The following PDE7B variants were observed in gnomAD, a reference collection of about 807,000 sequenced individuals.
PDE7B encodes 3',5'-cyclic-AMP phosphodiesterase 7B.
In PDE7B, 29 loss-of-function variants were observed where a neutral mutation model predicts 56.2. The observed-to-expected ratio is 0.52, with a 90% confidence interval of 0.38 to 0.70. PDE7B has a LOEUF of 0.70. PDE7B is among the 30% of genes least tolerant of loss of function. The pLI is 0.00. For synonymous variants in PDE7B, 197 were observed against 196.9 expected, an observed-to-expected ratio of 1.00 and a Z score of 0.00; for missense variants, 490 against 565.0, an observed-to-expected ratio of 0.87 and a Z score of 1.35.
intron 1 of PDE7B, among the ~76,000 whole-genome samples, chr6:135,860,621 T>C (rs1429853792): frequency 2.0e-5 from 3 of 151,988 alleles, no homozygotes; most frequent in Non-Finnish European, 2.9e-5. Flanking sequence ...GCTTATTTGT[T>C]AGATTAAGGT....
intron 2 of PDE7B, among the ~76,000 whole-genome samples, chr6:136,086,161 G>C (rs1294419108): frequency 6.6e-6 from 1 of 152,154 alleles, no homozygotes; most frequent in East Asian, 1.9e-4. Flanking sequence ...TCTGTTTTCT[G>C]TAGTTGGATT....
intron 1 of PDE7B, among the ~76,000 whole-genome samples, chr6:135,924,017 T>C (rs1774138191): frequency 6.6e-6 from 1 of 152,216 alleles, no homozygotes; most frequent in Non-Finnish European, 1.5e-5. Flanking sequence ...CATTCTTGCT[T>C]ATCAAGTTGA....
chr6:136,179,195 G>T (rs926675793), intron 10 of PDE7B, 54 bp downstream of exon 10: 21 of 1,556,446 alleles, frequency 1.3e-5, no homozygotes, highest in Non-Finnish European at 1.7e-5. Context: ...ACTCAGCTGG[G>T]CTGGGTGTGG....
chr6:135,990,969 T>C (rs1325438403), intron 2 of PDE7B, among the ~76,000 whole-genome samples: 1 of 152,164 alleles, frequency 6.6e-6, no homozygotes, highest in Non-Finnish European at 1.5e-5. Context: ...TATTCATGAG[T>C]TTTCTGGGAA....
chr6:136,015,608 G>A (rs1000628422), intron 2 of PDE7B, among the ~76,000 whole-genome samples: 4 of 152,098 alleles, frequency 2.6e-5, no homozygotes, highest in African/African-American at 9.7e-5. Flanking sequence ...GCAAGAGAAC[G>A]AGGGGGAAAT....
At chr6:136,014,609 T>C (rs571629442) in intron 2 of PDE7B, among the ~76,000 whole-genome samples, 3 of 152,284 alleles carry the variant, frequency 2.0e-5, no homozygotes, top group South Asian at 2.1e-4. Flanking sequence ...CTCTATGACA[T>C]GACATAGGTG....
intron 1 of PDE7B, among the ~76,000 whole-genome samples, chr6:135,898,320 CAT>C (rs1775938137): frequency 2.0e-5 from 3 of 152,114 alleles, no homozygotes; most frequent in Admixed American, 2.0e-4. Context: ...GTAATAAATA[CAT>C]GTTTGGTCAC....
At position 136,120,931 on chromosome 6, in the gene PDE7B, C is replaced by T. The variant is rs1039125647; in HGVS notation, c.166+12117C>T. Among the ~76,000 whole-genome samples the T allele has an allele frequency of 2.6e-5, 4 of 152,160 alleles. No homozygotes were observed. The East Asian group carries it at 7.7e-4, about 29-fold the overall frequency. On this transcript the variant is annotated intron_variant, in intron 3 of 12. Transcript: ENST00000308191. ...CAAGCCTACCACTATTCCCACCCTC[C>T]CCTACATGTCCACATCTCCCTTAGC...
rs564920980 is a variant in PDE7B, at chr6:135,912,740, A to T, written c.22-34724A>T. ...GACAGTTGGGCTATTAGTAACAATA[A>T]TTAATATCTGAAAATAGCTTTTAAT... On this transcript the variant is annotated intron_variant, in intron 1 of 12. Coordinates refer to ENST00000308191, the MANE Select transcript of PDE7B (RefSeq NM_018945.4). 2.6e-5 allele frequency among the ~76,000 whole-genome samples: 4 copies of T among 152,360 alleles called. No individual in the cohort carries two copies. In the South Asian group the frequency reaches 6.2e-4, roughly 24 times the overall value.
chr6:136,143,456 A>G (rs1042469631), intron 3 of PDE7B, among the ~76,000 whole-genome samples: 9 of 152,060 alleles, frequency 5.9e-5, no homozygotes, highest in Non-Finnish European at 1.3e-4. Context: ...TAACTTGGTG[A>G]TCACAGTGTA....
intron 2 of PDE7B, among the ~76,000 whole-genome samples, chr6:136,033,323 C>T (rs1211571874): frequency 1.3e-5 from 2 of 152,144 alleles, no homozygotes; most frequent in African/African-American, 4.8e-5. Context: ...TAACAGCTAA[C>T]AGGATAGAGT....
intron 10 of PDE7B, 73 bp downstream of exon 10, chr6:136,179,214 A>G (rs1380469989): frequency 3.6e-6 from 5 of 1,383,414 alleles, no homozygotes; most frequent in Non-Finnish European, 5.1e-6. Flanking sequence ...GGTGGCTCAC[A>G]TCTGTAGTCC....
At chr6:135,958,526 A>C (rs925542499) in intron 2 of PDE7B, among the ~76,000 whole-genome samples, 1 of 126,964 alleles carries the variant, frequency 7.9e-6, no homozygotes, top group African/African-American at 3.0e-5. Flanking sequence ...CAACCTGCCA[A>C]TCTCAAACCA....
intron 11 of PDE7B, among the ~76,000 whole-genome samples, chr6:136,186,812 A>G (rs1562517274): frequency 1.3e-5 from 2 of 152,242 alleles, no homozygotes; most frequent in Non-Finnish European, 2.9e-5. Context: ...TACTAGCAAT[A>G]AGCCATTATG....
At position 135,955,716 on chromosome 6, in the gene PDE7B, GGT is replaced by G. The variant is rs546480850; in HGVS notation, c.82+8194_82+8195del. 6.4e-3 allele frequency among the ~76,000 whole-genome samples: 973 copies of G among 152,206 alleles called. 9 individuals carry two copies. Among genetic ancestry groups the G allele is most frequent in the African/African-American group, 0.022 (917 of 41,520 alleles). ...GTTTAGGGAACAGTGGTATCTATCA[GGT>G]GAGAAAGGATGAGTCCTACCTGAAT... is the stretch of plus-strand genomic sequence containing the variant. On this transcript the variant is annotated intron_variant, in intron 2 of 12. Transcript: ENST00000308191.
intron 8 of PDE7B, among the ~76,000 whole-genome samples, chr6:136,167,991 C>T (rs903076328): frequency 2.0e-5 from 3 of 152,086 alleles, no homozygotes; most frequent in Non-Finnish European, 2.9e-5. Flanking sequence ...GCACATTTGC[C>T]TTTGCCTGGA....
intron 2 of PDE7B, among the ~76,000 whole-genome samples, chr6:136,073,048 C>A (rs1303710131): frequency 6.6e-6 from 1 of 152,054 alleles, no homozygotes; most frequent in African/African-American, 2.4e-5. Context: ...CGCTTGGAGA[C>A]CATGTTCTTT....
intron 2 of PDE7B, among the ~76,000 whole-genome samples, chr6:136,105,684 AC>A (rs1416979542): frequency 6.6e-6 from 1 of 152,190 alleles, no homozygotes. Context: ...AGACAACTGG[AC>A]TTCAGAGTGA....
chr6:136,183,629 A>AT (rs2077366737), intron 11 of PDE7B, among the ~76,000 whole-genome samples: 2 of 151,476 alleles, frequency 1.3e-5, no homozygotes, highest in Non-Finnish European at 2.9e-5. Flanking sequence ...GAAAAAAAAA[A>AT]GAGTAGATTC....
Sources: allele counts gnomAD v4.1 joint callset (sites outside exome capture counted in the v4.1 genomes callset), GRCh38; gene constraint gnomAD v4.1.1; transcripts MANE v1.5; gene names NCBI Gene and HGNC (gene_info 2026-07-23, HGNC 2026-07-21).